Variants in CHD1L observed in about 807,000 individuals in gnomAD.
CHD1L encodes the protein chromodomain helicase DNA binding protein 1 like, also known as ATP-dependent chromatin remodeler CHD1L.
Under a neutral mutation model 115.9 loss-of-function variants are expected in CHD1L, and 118 were observed. That is an observed-to-expected ratio of 1.02 (90% CI 0.88 to 1.19). The LOEUF is 1.19. Among genes scored for constraint, CHD1L ranks in the 50% most tolerant of loss-of-function variants. The pLI is 0.00. For synonymous variants in CHD1L, 411 were observed against 387.1 expected, an observed-to-expected ratio of 1.06 and a Z score of -0.72; for missense variants, 1,179 against 1,065.3, an observed-to-expected ratio of 1.11 and a Z score of -1.49.
chr1:147,177,965 A>T, the CHD1L span: 10 of 538,038 alleles, frequency 1.9e-5, no homozygotes, highest in East Asian at 3.3e-4. Flanking sequence ...AGACTTAACA[A>T]CTAAATGCAA....
chr1:147,229,106 T>A, the CHD1L span, among the ~76,000 whole-genome samples: 2 of 152,184 alleles, frequency 1.3e-5, no homozygotes, highest in Non-Finnish European at 2.9e-5. Flanking sequence ...CTGAATGGTA[T>A]TGCCTAGGTT....
chr1:147,224,957 C>A, the CHD1L span: 1 of 1,614,106 alleles, frequency 6.2e-7, no homozygotes, highest in East Asian at 2.2e-5. Flanking sequence ...TCCAAGCCTT[C>A]TTCTACGCAG....
the CHD1L span, chr1:147,179,363 A>G: frequency 6.2e-7 from 1 of 1,600,462 alleles, no homozygotes; most frequent in Non-Finnish European, 8.6e-7. Context: ...CCCAAGTATA[A>G]AGAACTTGGC....
At chr1:147,220,049 A>G in the CHD1L span, among the ~76,000 whole-genome samples, 4 of 152,096 alleles carry the variant, frequency 2.6e-5, no homozygotes, top group Admixed American at 2.6e-4. Flanking sequence ...TATGTTGGCC[A>G]GGCTGGTCTC....
At chr1:147,188,522 CAAAA>C in the CHD1L span, among the ~76,000 whole-genome samples, 119 of 61,232 alleles carry the variant, frequency 1.9e-3, 1 homozygote, top group East Asian at 0.032. Context: ...GACCCCATAT[CAAAA>C]AAAAAAAAAA....
chr1:147,204,396 C>A, the CHD1L span: 1 of 1,108,788 alleles, frequency 9.0e-7, no homozygotes, highest in South Asian at 1.2e-5. Context: ...TAAGCTTGGC[C>A]AGAAATACTT....
the CHD1L span, chr1:147,216,062 C>G: frequency 1.3e-5 from 9 of 672,680 alleles, no homozygotes; most frequent in Admixed American, 2.3e-4. Context: ...CACACACCTT[C>G]CAGTATTTGT....
chr1:147,180,995 G>C, the CHD1L span, among the ~76,000 whole-genome samples: 3 of 152,200 alleles, frequency 2.0e-5, no homozygotes, highest in East Asian at 5.8e-4. Context: ...GTCTAGAGAC[G>C]AGTATTCAAG....
intron 5 of CHD1L, among the ~76,000 whole-genome samples, chr1:147,257,186 CAG>C: frequency 1.3e-5 from 2 of 151,336 alleles, no homozygotes; most frequent in Non-Finnish European, 1.5e-5. Flanking sequence ...GATATGTTGA[CAG>C]GGTTTCATTC....
the CHD1L span, chr1:147,204,260 T>A: frequency 9.1e-7 from 1 of 1,103,620 alleles, no homozygotes; most frequent in South Asian, 1.2e-5. Context: ...TCTGTTTCCT[T>A]CTTAAAAACC....
At chr1:147,207,493 T>G in the CHD1L span, among the ~76,000 whole-genome samples, 82 of 152,348 alleles carry the variant, frequency 5.4e-4, no homozygotes, top group East Asian at 0.015. Context: ...TTCATAACAC[T>G]GTATGTATTT....
At chr1:147,177,511 C>T in the CHD1L span, among the ~76,000 whole-genome samples, 1 of 152,056 alleles carries the variant, frequency 6.6e-6, no homozygotes, top group East Asian at 1.9e-4. Context: ...TTTCAAAGAG[C>T]GCAGTATGGA....
chr1:147,191,148 G>A, the CHD1L span, among the ~76,000 whole-genome samples: 2 of 152,120 alleles, frequency 1.3e-5, no homozygotes, highest in Admixed American at 1.3e-4. Flanking sequence ...AAACATACGT[G>A]TGCATGTGTC....
intron 13 of CHD1L, among the ~76,000 whole-genome samples, chr1:147,275,769 T>G (rs1457382555): frequency 7.7e-6 from 1 of 130,038 alleles, no homozygotes; most frequent in Non-Finnish European, 1.6e-5. Context: ...GTTATGGGGC[T>G]ATGGAGCTAA....
intron 18 of CHD1L, among the ~76,000 whole-genome samples, chr1:147,287,311 T>C (rs1440780855): frequency 6.6e-6 from 1 of 152,194 alleles, no homozygotes; most frequent in Non-Finnish European, 1.5e-5. Flanking sequence ...ACCTATTGCT[T>C]CTACTCACTC....
At position 147,276,270 on chromosome 1, in the gene CHD1L, A is replaced by ATAC; in HGVS notation, c.1539+15_1539+17dup. 1 of 1,613,954 alleles carries ATAC rather than the reference A, an allele frequency of 6.2e-7. No individual in the cohort carries two copies. The highest frequency in any genetic ancestry group is 8.5e-7 in the Non-Finnish European group (1 of 1,179,890). On this transcript the variant is annotated intron_variant, in intron 14 of 22. Coordinates refer to ENST00000369258, the MANE Select transcript of CHD1L (RefSeq NM_004284.6). ...TGCTGACCTCCAGGTATGATATGAT[A>ATAC]TACTGTTCTTCACTTTGGAATATAC...
the CHD1L span, among the ~76,000 whole-genome samples, chr1:147,236,477 G>C: frequency 6.6e-6 from 1 of 152,224 alleles, no homozygotes; most frequent in Non-Finnish European, 1.5e-5. Flanking sequence ...AAGGTGAAGA[G>C]AAACTTTATT....
At chr1:147,276,646 A>T (rs1383919307) in intron 14 of CHD1L, among the ~76,000 whole-genome samples, 1 of 152,264 alleles carries the variant, frequency 6.6e-6, no homozygotes, top group African/African-American at 2.4e-5. Flanking sequence ...ATTACTTCAT[A>T]CTCAGAAGAG....
chr1:147,273,396 A>G (rs1043605296), intron 12 of CHD1L, among the ~76,000 whole-genome samples: 16 of 152,322 alleles, frequency 1.1e-4, no homozygotes, highest in East Asian at 5.8e-4. Context: ...CTATAAGGGT[A>G]TATGAAAGAA....
Sources: gnomAD v4.1 joint callset for allele counts (sites outside exome capture counted in the v4.1 genomes callset) on GRCh38, gnomAD v4.1.1 for gene constraint, MANE v1.5 for transcripts, NCBI Gene and HGNC (gene_info 2026-07-23, HGNC 2026-07-21) for gene names.